Variants in CPQ observed in about 807,000 individuals in gnomAD.
The protein encoded by CPQ is carboxypeptidase Q.
A neutral mutation model predicts 45.7 loss-of-function variants in CPQ; 37 were observed. That is an observed-to-expected ratio of 0.81 (90% CI 0.62 to 1.07). The LOEUF is 1.07. Among genes scored for constraint, CPQ ranks in the 50% least tolerant of loss-of-function variants. The probability of loss-of-function intolerance (pLI) is 0.00; values close to 1 mark genes in which losing one functional copy is unlikely to be tolerated. For synonymous variants in CPQ, 186 were observed against 205.8 expected (o/e 0.90, Z 0.82); for missense variants, 537 against 572.9 (o/e 0.94, Z 0.64).
intron 2 of CPQ, among the ~76,000 whole-genome samples, chr8:96,819,292 A>G (rs972021762): frequency 1.3e-5 from 2 of 152,170 alleles, no homozygotes; most frequent in African/African-American, 2.4e-5. Context: ...CATAAGCTCC[A>G]TCAAGTTCAA....
chr8:97,105,781 A>T (rs546743777), intron 7 of CPQ, among the ~76,000 whole-genome samples: 1 of 152,324 alleles, frequency 6.6e-6, no homozygotes, highest in South Asian at 2.1e-4. Context: ...TTCATATTTC[A>T]TTCCCCAAAC....
At chr8:96,930,164 C>T (rs1812951455) in intron 4 of CPQ, among the ~76,000 whole-genome samples, 1 of 152,230 alleles carries the variant, frequency 6.6e-6, no homozygotes, top group Middle Eastern at 3.4e-3. Context: ...TTCACATGAG[C>T]CCAAGATCAA....
intron 6 of CPQ, among the ~76,000 whole-genome samples, chr8:97,040,086 TAC>T (rs1268993801): frequency 6.7e-6 from 1 of 149,760 alleles, no homozygotes; most frequent in Non-Finnish European, 1.5e-5. Flanking sequence ...TGAACTAGTT[TAC>T]AGTCCCACCA....
At chr8:96,659,501 G>A (rs1815674654) in intron 1 of CPQ, among the ~76,000 whole-genome samples, 1 of 152,152 alleles carries the variant, frequency 6.6e-6, no homozygotes, top group South Asian at 2.1e-4. Context: ...TTACATGTTG[G>A]TACTGAAATT....
intron 7 of CPQ, among the ~76,000 whole-genome samples, chr8:97,122,795 G>C (rs111543194): frequency 6.7e-6 from 1 of 150,176 alleles, no homozygotes; most frequent in East Asian, 1.9e-4. Flanking sequence ...TGAGGCAGGA[G>C]AATCGCTTGA....
intron 3 of CPQ, among the ~76,000 whole-genome samples, chr8:96,850,623 T>G (rs907171185): frequency 1.3e-5 from 2 of 148,778 alleles, no homozygotes; most frequent in African/African-American, 4.9e-5. Flanking sequence ...TTTATTTATT[T>G]ATTGAGATGC....
chr8:96,957,515 G>T (rs915858495), intron 4 of CPQ, among the ~76,000 whole-genome samples: 4 of 152,124 alleles, frequency 2.6e-5, no homozygotes, highest in African/African-American at 9.7e-5. Flanking sequence ...AAAAGAGTCT[G>T]TAGGAGGCCA....
At chr8:96,712,102 C>A (rs1185178635) in intron 1 of CPQ, among the ~76,000 whole-genome samples, 1 of 152,122 alleles carries the variant, frequency 6.6e-6, no homozygotes, top group Non-Finnish European at 1.5e-5. Context: ...AGTCATTAAA[C>A]CTTAAAGTTA....
intron 1 of CPQ, among the ~76,000 whole-genome samples, chr8:96,783,948 C>A (rs1489392094): frequency 5.3e-5 from 8 of 151,370 alleles, no homozygotes; most frequent in Admixed American, 5.3e-4. Context: ...GCCCACAAAC[C>A]CATGCTTTGA....
At chr8:96,846,887 AT>A (rs1811699559) in intron 3 of CPQ, among the ~76,000 whole-genome samples, 1 of 152,226 alleles carries the variant, frequency 6.6e-6, no homozygotes. Flanking sequence ...GTCTCCTTAT[AT>A]CTAAAATTGC....
intron 1 of CPQ, among the ~76,000 whole-genome samples, chr8:96,776,196 A>G (rs532684869): frequency 7.2e-5 from 11 of 152,306 alleles, no homozygotes; most frequent in African/African-American, 2.6e-4. Flanking sequence ...AAGATACTTA[A>G]AGGGCTAACT....
At chr8:96,941,076 A>G (rs1018979374) in intron 4 of CPQ, among the ~76,000 whole-genome samples, 2 of 152,110 alleles carry the variant, frequency 1.3e-5, no homozygotes, top group South Asian at 4.1e-4. Context: ...CATAAATGAA[A>G]ACACAGGGGC....
chr8:97,040,253 A>T (rs990270682), intron 6 of CPQ, among the ~76,000 whole-genome samples: 3 of 152,074 alleles, frequency 2.0e-5, no homozygotes, highest in Non-Finnish European at 4.4e-5. Context: ...GCATTTTTTC[A>T]TGTGTCTGTT....
intron 7 of CPQ, among the ~76,000 whole-genome samples, chr8:97,094,433 T>C (rs1020442361): frequency 2.0e-5 from 3 of 152,138 alleles, no homozygotes; most frequent in African/African-American, 7.2e-5. Flanking sequence ...TTCACTCCTC[T>C]ACCTTCGCTG....
chr8:96,746,892 A>G lies in CPQ; in HGVS notation c.-34-37972A>G, dbSNP rs1810192011. Reference sequence around the variant, plus strand: ...TAGAGTTTTAGCATCTTTCAGCTCCACAGCTCTACTAGCCAAATGTGCGTT... The same window carrying G: ...TAGAGTTTTAGCATCTTTCAGCTCCGCAGCTCTACTAGCCAAATGTGCGTT... On this transcript the variant is annotated intron_variant, in intron 1 of 7. Transcript: ENST00000220763. Among the ~76,000 whole-genome samples the G allele has an allele frequency of 2.0e-5, 3 of 152,318 alleles. 1 individual carries two copies. In the South Asian group the frequency reaches 6.2e-4, roughly 32 times the overall value.
At chr8:96,934,450 C>G (rs1813017802) in intron 4 of CPQ, among the ~76,000 whole-genome samples, 1 of 152,122 alleles carries the variant, frequency 6.6e-6, no homozygotes, top group Non-Finnish European at 1.5e-5. Flanking sequence ...AGTATGTCAG[C>G]CGCTTCCCTC....
chr8:96,729,307 T>C (rs1809880944), intron 1 of CPQ, among the ~76,000 whole-genome samples: 1 of 152,130 alleles, frequency 6.6e-6, no homozygotes, highest in Admixed American at 6.5e-5. Flanking sequence ...GGAGGATGGA[T>C]AAAAGGGCAG....
In CPQ at chr8:96,833,828, A is replaced by G. The variant is rs187519288; in HGVS notation, c.434-1145A>G. 2.1e-4 allele frequency among the ~76,000 whole-genome samples: 32 copies of G among 152,340 alleles called. 1 individual carries two copies. The East Asian group carries it at 5.0e-3, about 24-fold the overall frequency. ...CAGGGGTAGCCAGCCCAAAGGGCCC[A>G]TTATGATGAGGCCTATATTGAAAGC... is the stretch of plus-strand genomic sequence containing the variant. On this transcript the variant is annotated intron_variant, in intron 2 of 7. Transcript: ENST00000220763.
intron 6 of CPQ, among the ~76,000 whole-genome samples, chr8:97,065,796 C>A (rs529089175): frequency 2.4e-4 from 37 of 152,156 alleles, no homozygotes; most frequent in Non-Finnish European, 3.8e-4. Flanking sequence ...TCCTTTCAAG[C>A]CAACTCTTGA....
Sources: allele counts gnomAD v4.1 joint callset (sites outside exome capture counted in the v4.1 genomes callset), GRCh38; gene constraint gnomAD v4.1.1; transcripts MANE v1.5; gene names NCBI Gene and HGNC (gene_info 2026-07-23, HGNC 2026-07-21).